Variants in SRGAP2C observed in about 807,000 individuals in gnomAD.
SRGAP2C encodes the protein SLIT-ROBO Rho GTPase-activating protein 2C.
A neutral mutation model predicts 25.1 loss-of-function variants in SRGAP2C; 15 were observed. The ratio of observed to expected loss-of-function variants is 0.60; its 90% CI spans 0.40 to 0.92. The LOEUF (loss-of-function observed/expected upper bound fraction) is 0.92, where lower values mean the gene tolerates loss of function less well. Ranked by LOEUF, SRGAP2C falls within the 40% of genes least tolerant of loss-of-function variation. The pLI is 0.00. For synonymous variants in SRGAP2C, 44 were observed against 96.6 expected (o/e 0.46, Z 3.19); for missense variants, 144 against 264.4 (o/e 0.54, Z 3.16).
intron 4 of SRGAP2C, among the ~76,000 whole-genome samples, chr1:121,350,548 T>C (rs1178759232): frequency 6.6e-6 from 1 of 152,000 alleles, no homozygotes; most frequent in African/African-American, 2.4e-5. Flanking sequence ...AATATGTTTA[T>C]GAGATTAAAT....
intron 5 of SRGAP2C, among the ~76,000 whole-genome samples, chr1:121,368,352 C>T (rs1553350160): frequency 6.8e-6 from 1 of 148,058 alleles, no homozygotes; most frequent in East Asian, 2.0e-4. Context: ...TTGCAGTGAG[C>T]CAAGATCGTG....
At chr1:121,259,879 GTC>G (rs587595952) in intron 2 of SRGAP2C, among the ~76,000 whole-genome samples, 1 of 119,952 alleles carries the variant, frequency 8.3e-6, no homozygotes, top group Non-Finnish European at 1.7e-5. Flanking sequence ...AAGAGACAAG[GTC>G]TCTCTCTCTC....
intron 4 of SRGAP2C, among the ~76,000 whole-genome samples, chr1:121,363,603 GAA>G (rs1311295458): frequency 7.1e-6 from 1 of 139,968 alleles, no homozygotes; most frequent in Non-Finnish European, 1.5e-5. Context: ...TTATTTCTAG[GAA>G]AAAATAATGA....
In SRGAP2C at chr1:121,347,112, G is replaced by A. The variant is rs1463560158; in HGVS notation, c.424-18181G>A. Among the ~76,000 whole-genome samples the A allele has an allele frequency of 1.9e-3, 245 of 127,266 alleles. 1 individual carries two copies. The highest frequency in any genetic ancestry group is 6.7e-3 in the African/African-American group (223 of 33,274). 83.5% of individuals were successfully genotyped at this position (127,266 alleles called of 152,430 possible). On this transcript the variant is annotated intron_variant, in intron 4 of 9. Transcript: ENST00000367123. The stretch of plus-strand genomic sequence containing the variant: ...GGTTGGGGACCCAGGGCTCTAGATG[G>A]TTTATTTTTTTATTTTCCTTATTGG...
At chr1:121,238,575 T>A (rs1372541024) in intron 2 of SRGAP2C, among the ~76,000 whole-genome samples, 1 of 152,000 alleles carries the variant, frequency 6.6e-6, no homozygotes, top group Non-Finnish European at 1.5e-5. Context: ...CATGGAAATA[T>A]TTTAAGCAGG....
At chr1:121,267,972 T>C (rs2101542420) in intron 2 of SRGAP2C, among the ~76,000 whole-genome samples, 1 of 151,362 alleles carries the variant, frequency 6.6e-6, no homozygotes, top group South Asian at 2.1e-4. Context: ...CCAAATCCCA[T>C]CACCCAAAAA....
intron 2 of SRGAP2C, among the ~76,000 whole-genome samples, chr1:121,202,035 G>C (rs1243119297): frequency 6.6e-6 from 1 of 152,188 alleles, no homozygotes; most frequent in African/African-American, 2.4e-5. Context: ...CAGGAAAAGG[G>C]CTGTCAGCTA....
intron 2 of SRGAP2C, among the ~76,000 whole-genome samples, chr1:121,228,726 A>G (rs1553327051): frequency 2.0e-5 from 3 of 151,948 alleles, no homozygotes; most frequent in South Asian, 2.1e-4. Context: ...ACTTAAAAGC[A>G]TTACTAAATG....
At chr1:121,377,050 A>G (rs1196001996) in intron 7 of SRGAP2C, among the ~76,000 whole-genome samples, 2 of 150,928 alleles carry the variant, frequency 1.3e-5, no homozygotes, top group Non-Finnish European at 2.9e-5. Flanking sequence ...CATCAGGTAT[A>G]ACCAAGTGTT....
intron 4 of SRGAP2C, among the ~76,000 whole-genome samples, chr1:121,335,938 G>A: frequency 6.6e-6 from 1 of 151,906 alleles, no homozygotes; most frequent in South Asian, 2.1e-4. Context: ...TTTATTCTAG[G>A]AGGCTATTAA....
intron 3 of SRGAP2C, among the ~76,000 whole-genome samples, chr1:121,323,299 G>T (rs1307349549): frequency 2.0e-5 from 3 of 151,222 alleles, no homozygotes; most frequent in Non-Finnish European, 4.4e-5. Flanking sequence ...TAATTCTTTT[G>T]GATCACAATG....
intron 3 of SRGAP2C, among the ~76,000 whole-genome samples, chr1:121,289,156 G>T (rs1319969842): frequency 1.3e-5 from 2 of 148,548 alleles, no homozygotes; most frequent in African/African-American, 5.0e-5. Flanking sequence ...GGAGCAGGGG[G>T]TGGTGCTCGT....
intron 2 of SRGAP2C, among the ~76,000 whole-genome samples, chr1:121,238,228 C>T (rs1182747244): frequency 8.0e-5 from 12 of 149,236 alleles, no homozygotes; most frequent in Non-Finnish European, 1.3e-4. Context: ...AGCATAGCCC[C>T]CACCCAAGTT....
chr1:121,272,482 AG>A (rs1295253094), intron 2 of SRGAP2C, among the ~76,000 whole-genome samples: 1 of 151,750 alleles, frequency 6.6e-6, no homozygotes, highest in African/African-American at 2.4e-5. Context: ...ATTGCCTTCA[AG>A]AAGAAATGGT....
chr1:121,278,045 A>T (rs1241732776), intron 2 of SRGAP2C, among the ~76,000 whole-genome samples: 1 of 150,016 alleles, frequency 6.7e-6, no homozygotes, highest in Admixed American at 6.7e-5. Context: ...GGCTCAAGCA[A>T]GCCTCCCACC....
At chr1:121,257,358 C>G (rs1260038920) in intron 2 of SRGAP2C, among the ~76,000 whole-genome samples, 1 of 149,952 alleles carries the variant, frequency 6.7e-6, no homozygotes, top group African/African-American at 2.5e-5. Flanking sequence ...TCGTGATCCA[C>G]CAGCCTGGGC....
At chr1:121,288,920 C>T (rs1399549833) in intron 3 of SRGAP2C, among the ~76,000 whole-genome samples, 1 of 91,492 alleles carries the variant, frequency 1.1e-5, no homozygotes, top group African/African-American at 4.7e-5. Context: ...TACAGAGTGT[C>T]GATTGGTGCA....
chr1:121,384,897 C>T (rs1659924747), intron 8 of SRGAP2C, among the ~76,000 whole-genome samples: 1 of 152,216 alleles, frequency 6.6e-6, no homozygotes, highest in Non-Finnish European at 1.5e-5. Flanking sequence ...TGATTCCTCT[C>T]TGCTAGCTCA....
chr1:121,329,969 C>T (rs1475584151), intron 4 of SRGAP2C, among the ~76,000 whole-genome samples: 2 of 150,140 alleles, frequency 1.3e-5, no homozygotes, highest in Non-Finnish European at 3.0e-5. Context: ...ATTATTGCTG[C>T]CACCTTCATT....
Sources: allele counts gnomAD v4.1 joint callset (sites outside exome capture counted in the v4.1 genomes callset), GRCh38; gene constraint gnomAD v4.1.1; transcripts MANE v1.5; gene names NCBI Gene and HGNC (gene_info 2026-07-23, HGNC 2026-07-21).